Variants in MINPP1 observed in about 807,000 individuals in gnomAD.
The protein encoded by MINPP1 is multiple inositol-polyphosphate phosphatase 1.
MINPP1 carries 28 observed loss-of-function variants against 46.1 expected under a neutral mutation model. The ratio of observed to expected loss-of-function variants is 0.61; its 90% confidence interval spans 0.45 to 0.83. The LOEUF (loss-of-function observed/expected upper bound fraction) is 0.83. Among genes scored for constraint, MINPP1 ranks in the 40% least tolerant of loss-of-function variants. MINPP1 has a pLI of 0.00. For synonymous variants in MINPP1, 268 were observed against 249.1 expected, an observed-to-expected ratio of 1.08 and a Z score of -0.72; for missense variants, 603 against 610.0, an observed-to-expected ratio of 0.99 and a Z score of 0.12.
intron 4 of MINPP1, among the ~76,000 whole-genome samples, chr10:87,541,336 G>A (rs574435475): frequency 2.6e-5 from 4 of 152,238 alleles, no homozygotes; most frequent in Admixed American, 2.6e-4. Context: ...AGTCATTCTT[G>A]TTCATAAGAA....
chr10:87,525,462 T>C (rs1851563240), intron 4 of MINPP1, among the ~76,000 whole-genome samples: 1 of 152,234 alleles, frequency 6.6e-6, no homozygotes, highest in African/African-American at 2.4e-5. Flanking sequence ...CATGTAGCAG[T>C]AGCATGTATC....
At chr10:87,531,297 G>C (rs1210722558) in intron 4 of MINPP1, among the ~76,000 whole-genome samples, 1 of 152,232 alleles carries the variant, frequency 6.6e-6, no homozygotes, top group Non-Finnish European at 1.5e-5. Flanking sequence ...GGGAGCTGTA[G>C]ACTGGAGCTG....
At chr10:87,549,769 T>C (rs1432134500) in intron 4 of MINPP1, among the ~76,000 whole-genome samples, 1 of 152,234 alleles carries the variant, frequency 6.6e-6, no homozygotes, top group African/African-American at 2.4e-5. Flanking sequence ...TGTGTGCTAA[T>C]AGATTCCATG....
In MINPP1 at chr10:87,552,252, C is replaced by T. The variant is rs1851975164; in HGVS notation, c.1238C>T (p.Ser413Leu). 1 of 1,613,636 alleles carries T rather than the reference C, an allele frequency of 6.2e-7. No individual in the cohort carries two copies. The highest frequency in any genetic ancestry group is 1.3e-5 in the African/African-American group (1 of 74,860). ...FRSGLIVPYA[S>L]NLIFVLYHCE... ...AGTGGTCTCATTGTACCTTATGCCT[C>T]GAACCTGATATTTGTGCTTTACCAC... The change falls in exon 5 of 5, where the codon TCG (serine) becomes TTG (leucine). Residue 413 changes from serine (S) to leucine (L), a missense_variant. Coordinates refer to ENST00000371996, the MANE Select transcript of MINPP1 (RefSeq NM_004897.5).
chr10:87,535,159 A>C (rs1851715499), intron 4 of MINPP1, among the ~76,000 whole-genome samples: 1 of 152,264 alleles, frequency 6.6e-6, no homozygotes, highest in Admixed American at 6.5e-5. Flanking sequence ...GGTGAGCCTT[A>C]ATCATTGACA....
chr10:87,522,007 G>T (rs1379610146), intron 4 of MINPP1, among the ~76,000 whole-genome samples: 1 of 152,130 alleles, frequency 6.6e-6, no homozygotes, highest in Non-Finnish European at 1.5e-5. Context: ...CTTTGTAGGT[G>T]GTAGAAGTTT....
At chr10:87,528,308 C>T (rs1309242894) in intron 4 of MINPP1, among the ~76,000 whole-genome samples, 10 of 152,134 alleles carry the variant, frequency 6.6e-5, no homozygotes, top group Admixed American at 2.0e-4. Context: ...GTTAGGGTGT[C>T]AATTTTAGAT....
In MINPP1 at chr10:87,524,167, A is replaced by G. The variant is rs183819431; in HGVS notation, c.1067+2998A>G. On this transcript the variant is annotated intron_variant, in intron 4 of 4. Transcript: ENST00000371996. ...CATTGAAAATCTGCTTAGTATAGTG[A>G]CCTTCAGTTATCTTAGCTAGATCTT... Among the ~76,000 whole-genome samples the G allele has an allele frequency of 2.0e-3, 303 of 152,302 alleles. 6 individuals are homozygous for G. Among genetic ancestry groups the G allele is most frequent in the Non-Finnish European group, 6.6e-4 (45 of 68,028 alleles).
chr10:87,512,918 C>T (rs1851356383), intron 2 of MINPP1, among the ~76,000 whole-genome samples: 1 of 152,068 alleles, frequency 6.6e-6, no homozygotes, highest in Admixed American at 6.5e-5. Flanking sequence ...TGGTTTCTTC[C>T]TGATAGTTCA....
At chr10:87,517,551 GATTT>G (rs1276421204) in intron 3 of MINPP1, among the ~76,000 whole-genome samples, 1 of 151,994 alleles carries the variant, frequency 6.6e-6, no homozygotes, top group East Asian at 1.9e-4. Flanking sequence ...AATGAAAAAA[GATTT>G]ATGAGGTTGC....
At chr10:87,542,702 C>T (rs915301679) in intron 4 of MINPP1, among the ~76,000 whole-genome samples, 5 of 152,188 alleles carry the variant, frequency 3.3e-5, no homozygotes, top group African/African-American at 1.2e-4. Context: ...AGGCCCTCCC[C>T]AGAAGCAGAT....
chr10:87,507,858 T>G, intron 1 of MINPP1: 1 of 1,064,830 alleles, frequency 9.4e-7, no homozygotes, highest in Non-Finnish European at 1.1e-6. Flanking sequence ...GTCAGTAGTT[T>G]TTGTCCAAAG....
chr10:87,507,691 C>G (rs117473555), intron 1 of MINPP1: 3,005 of 259,726 alleles, frequency 0.012, 27 homozygotes, highest in Non-Finnish European at 0.015. Flanking sequence ...ATGAATGCTT[C>G]TCCAATACAT....
Position 87,508,355 on chromosome 10 carries a change from A to G in MINPP1, c.657A>G (p.Pro219=). ...PDVADMEFGP[P]TVNDKLMRFF... is the part of the protein sequence containing the mutation. ...TTTCAGATATGGAGTTTGGACCTCC[A>G]ACAGTTAATGATAAACTAATGAGAT... Residue 219 remains proline (P), a synonymous_variant, in exon 2 of 5, where the codon CCA becomes CCG. Transcript: ENST00000371996. 6.2e-7 allele frequency: 1 copy of G among 1,613,244 alleles called. No individual in the cohort carries two copies. The highest frequency in any genetic ancestry group is 8.5e-7 in the Non-Finnish European group (1 of 1,179,724).
rs1490589835 is a variant in MINPP1, at chr10:87,552,502, C to A, written c.*24C>A. 1.2e-6 allele frequency: 2 copies of A among 1,606,566 alleles called. No individual in the cohort carries two copies. Among genetic ancestry groups the A allele is most frequent in the African/African-American group, 2.7e-5 (2 of 74,916 alleles). ...GAGTAACTGAAGAACATTTTTAATT[C>A]TTTAGGAATCTGCAATGAGTGATTA... On this transcript the variant is annotated 3_prime_UTR_variant, in exon 5 of 5. Coordinates refer to ENST00000371996, the MANE Select transcript of MINPP1 (RefSeq NM_004897.5).
chr10:87,544,713 C>G (rs114260092), intron 4 of MINPP1, among the ~76,000 whole-genome samples: 1 of 152,074 alleles, frequency 6.6e-6, no homozygotes, highest in South Asian at 2.1e-4. Context: ...TCCTTTCTTA[C>G]GGAGCCTAGA....
intron 2 of MINPP1, among the ~76,000 whole-genome samples, chr10:87,512,233 A>G (rs1851344923): frequency 6.6e-6 from 1 of 152,144 alleles, no homozygotes; most frequent in Admixed American, 6.6e-5. Flanking sequence ...TCTCTTCAAT[A>G]CCCATATGTA....
intron 4 of MINPP1, among the ~76,000 whole-genome samples, chr10:87,548,193 G>T (rs1312596113): frequency 6.6e-6 from 1 of 152,164 alleles, no homozygotes; most frequent in African/African-American, 2.4e-5. Flanking sequence ...CACCTCCTCA[G>T]CAAAGCGCAT....
chr10:87,529,374 T>G (rs1002474426), intron 4 of MINPP1, among the ~76,000 whole-genome samples: 3 of 152,228 alleles, frequency 2.0e-5, no homozygotes, highest in East Asian at 1.9e-4. Context: ...GTTTAGTGCT[T>G]CCTTCAGGAG....
Sources: allele counts gnomAD v4.1 joint callset (sites outside exome capture counted in the v4.1 genomes callset), GRCh38; gene constraint gnomAD v4.1.1; transcripts MANE v1.5; gene names NCBI Gene and HGNC (gene_info 2026-07-23, HGNC 2026-07-21).